MARCHF1: variants seen among roughly 807,000 people sequenced by gnomAD.
MARCHF1 encodes E3 ubiquitin-protein ligase MARCHF1.
A neutral mutation model predicts 54.2 loss-of-function variants in MARCHF1; 40 were observed. The ratio of observed to expected loss-of-function variants is 0.74; its 90% confidence interval spans 0.57 to 0.96. The LOEUF is 0.96. Among genes scored for constraint, MARCHF1 ranks in the 40% least tolerant of loss-of-function variants. The pLI is 0.00. For synonymous variants in MARCHF1, 236 were observed against 236.3 expected (o/e 1.00, Z 0.01); for missense variants, 586 against 656.5 (o/e 0.89, Z 1.17).
intron 3 of MARCHF1, among the ~76,000 whole-genome samples, chr4:163,859,982 A>T (rs1255264562): frequency 6.6e-6 from 1 of 152,188 alleles, no homozygotes; most frequent in Non-Finnish European, 1.5e-5. Context: ...AATGAAATGT[A>T]GAGACTTCCA....
intron 5 of MARCHF1, among the ~76,000 whole-genome samples, chr4:163,626,859 G>A (rs1440971303): frequency 6.6e-6 from 1 of 152,054 alleles, no homozygotes; most frequent in African/African-American, 2.4e-5. Context: ...CCTGGGAGGT[G>A]GAGGTTGCAG....
intron 3 of MARCHF1, among the ~76,000 whole-genome samples, chr4:163,935,680 A>G (rs1200926859): frequency 2.7e-5 from 4 of 149,752 alleles, no homozygotes; most frequent in Admixed American, 2.0e-4. Flanking sequence ...CATATCAACA[A>G]CAAGGCTGTT....
In MARCHF1 at chr4:163,527,117, A is replaced by C. The variant is rs1246783275; in HGVS notation, c.*1631T>G. The stretch of plus-strand genomic sequence containing the variant: ...TGTTAATAAATAATGACAGCTAACA[A>C]AAATAAGTCACCTTTTTTAATGTAG... On this transcript the variant is annotated 3_prime_UTR_variant, in exon 10 of 10. Transcript: ENST00000514618. 2.0e-5 allele frequency: 3 copies of C among 152,036 alleles called. No homozygotes were observed. The highest frequency in any genetic ancestry group is 2.0e-4 in the Admixed American group (3 of 15,230). 9.4% of individuals were successfully genotyped at this position (152,036 alleles called of 1,614,324 possible).
intron 1 of MARCHF1, among the ~76,000 whole-genome samples, chr4:164,350,438 A>G (rs901876394): frequency 7.2e-5 from 11 of 152,216 alleles, no homozygotes; most frequent in Non-Finnish European, 1.2e-4. Context: ...GTGTTCTATG[A>G]CACCATAGGA....
chr4:163,915,459 T>A (rs1751286993), intron 3 of MARCHF1, among the ~76,000 whole-genome samples: 1 of 152,020 alleles, frequency 6.6e-6, no homozygotes, highest in Non-Finnish European at 1.5e-5. Flanking sequence ...AAAGGAGACA[T>A]GAAAACTAAA....
intron 2 of MARCHF1, among the ~76,000 whole-genome samples, chr4:164,091,460 T>C (rs1755301311): frequency 6.8e-6 from 1 of 147,000 alleles, no homozygotes; most frequent in Non-Finnish European, 1.5e-5. Flanking sequence ...AGTTAATATG[T>C]ACAATGTGTG....
intron 5 of MARCHF1, among the ~76,000 whole-genome samples, chr4:163,628,513 C>T (rs1741953451): frequency 6.6e-6 from 1 of 152,220 alleles, no homozygotes; most frequent in Admixed American, 6.5e-5. Flanking sequence ...TTTCTCACCA[C>T]TCCTATTCAA....
chr4:163,854,741 T>C (rs1039001600), intron 3 of MARCHF1, among the ~76,000 whole-genome samples: 4 of 152,182 alleles, frequency 2.6e-5, no homozygotes, highest in African/African-American at 9.6e-5. Flanking sequence ...GTACAATCTA[T>C]TCAAAAGTAA....
chr4:163,841,912 G>C (rs1431344469), intron 4 of MARCHF1, among the ~76,000 whole-genome samples: 2 of 151,958 alleles, frequency 1.3e-5, no homozygotes, highest in African/African-American at 4.8e-5. Context: ...TTGAGTTGCT[G>C]GTTTCTTAAT....
At chr4:163,788,382 T>G (rs1747678894) in intron 4 of MARCHF1, among the ~76,000 whole-genome samples, 1 of 151,978 alleles carries the variant, frequency 6.6e-6, no homozygotes, top group Admixed American at 6.6e-5. Context: ...TTAACTAAAC[T>G]ATAGGCTTTA....
At chr4:163,697,131 C>A (rs1185175897) in intron 5 of MARCHF1, among the ~76,000 whole-genome samples, 2 of 152,100 alleles carry the variant, frequency 1.3e-5, no homozygotes, top group Non-Finnish European at 2.9e-5. Context: ...AGTTTGACGA[C>A]ACATATGAAG....
chr4:163,905,144 G>T (rs931311212), intron 3 of MARCHF1, among the ~76,000 whole-genome samples: 2 of 152,008 alleles, frequency 1.3e-5, no homozygotes, highest in Non-Finnish European at 2.9e-5. Flanking sequence ...ATTAGAGGAG[G>T]CAGGTGTTTC....
chr4:164,158,634 C>G lies in MARCHF1; in HGVS notation c.-322-46972G>C, dbSNP rs570068528. On this transcript the variant is annotated intron_variant, in intron 1 of 9. Coordinates refer to ENST00000514618, the MANE Select transcript of MARCHF1 (RefSeq NM_001394959.1). ...CCAGGCTGGGTGACAGAGTGAGACTCCATCTCAAAATAATAATAATAAATT... is the reference window on the plus strand; with the variant it reads ...CCAGGCTGGGTGACAGAGTGAGACTGCATCTCAAAATAATAATAATAAATT... Among the ~76,000 whole-genome samples, 75 of 152,060 alleles carry G rather than the reference C, an allele frequency of 4.9e-4. 1 individual carries two copies. The highest frequency in any genetic ancestry group is 1.0e-4 in the Non-Finnish European group (7 of 67,980).
chr4:163,607,651 T>TA (rs1444999160), intron 7 of MARCHF1, among the ~76,000 whole-genome samples: 6 of 152,120 alleles, frequency 3.9e-5, no homozygotes, highest in Admixed American at 2.0e-4. Flanking sequence ...GGGAATATGA[T>TA]AAAAAACTAT....
chr4:163,531,903 A>C (rs189195731), intron 9 of MARCHF1, among the ~76,000 whole-genome samples: 1 of 152,020 alleles, frequency 6.6e-6, no homozygotes. Flanking sequence ...TACAAGATTT[A>C]TGTGAGAAAA....
chr4:164,249,565 G>A (rs1733063781), intron 1 of MARCHF1, among the ~76,000 whole-genome samples: 1 of 151,936 alleles, frequency 6.6e-6, no homozygotes, highest in Non-Finnish European at 1.5e-5. Flanking sequence ...ATTTTATTTT[G>A]TAGATATCAG....
intron 1 of MARCHF1, among the ~76,000 whole-genome samples, chr4:164,268,286 A>G (rs1733660621): frequency 2.6e-5 from 4 of 152,296 alleles, no homozygotes; most frequent in South Asian, 2.1e-4. Context: ...TCCTATTTAA[A>G]TCTGGGTACT....
At chr4:164,019,232 T>G (rs78991503) in intron 2 of MARCHF1, among the ~76,000 whole-genome samples, 1,876 of 152,324 alleles carry the variant, frequency 0.012, 28 homozygotes, top group African/African-American at 0.039. Context: ...TGAGTGGGTC[T>G]TCAATTGCGC....
Position 164,224,746 on chromosome 4 carries a change from G to A in MARCHF1, c.-322-113084C>T, listed in dbSNP as rs114192481. 2.7e-3 allele frequency among the ~76,000 whole-genome samples: 407 copies of A among 151,966 alleles called. 3 individuals carry two copies. Among genetic ancestry groups the A allele is most frequent in the African/African-American group, 9.5e-3 (392 of 41,478 alleles). On this transcript the variant is annotated intron_variant, in intron 1 of 9. Transcript: ENST00000514618. ...AAGTTTATAAATATTTTAATATAGT[G>A]CAATTCTTAGTCATTTATTTAAATA...
Sources: allele counts gnomAD v4.1 joint callset (sites outside exome capture counted in the v4.1 genomes callset), GRCh38; gene constraint gnomAD v4.1.1; transcripts MANE v1.5; gene names NCBI Gene and HGNC (gene_info 2026-07-23, HGNC 2026-07-21).